NRG2: variants seen among roughly 807,000 people sequenced by gnomAD.
NRG2 encodes pro-neuregulin-2, membrane-bound isoform.
In NRG2, 27 loss-of-function variants were observed where a neutral mutation model predicts 73.9. The observed-to-expected ratio is 0.37, with a 90% CI of 0.27 to 0.50. The LOEUF is 0.50. NRG2 is among the 20% of genes least tolerant of loss of function. NRG2 has a pLI of 0.96. For synonymous variants in NRG2, 532 were observed against 541.0 expected, an observed-to-expected ratio of 0.98 and a Z score of 0.23; for missense variants, 1,126 against 1,210.1, an observed-to-expected ratio of 0.93 and a Z score of 1.03.
intron 1 of NRG2, among the ~76,000 whole-genome samples, chr5:139,976,661 C>A (rs1253429385): frequency 6.6e-6 from 1 of 152,216 alleles, no homozygotes; most frequent in Non-Finnish European, 1.5e-5. Flanking sequence ...TTAATATAAT[C>A]CTATCAGTTC....
intron 5 of NRG2, among the ~76,000 whole-genome samples, chr5:139,862,103 T>C (rs1042475064): frequency 6.6e-6 from 1 of 152,212 alleles, no homozygotes; most frequent in Admixed American, 6.5e-5. Context: ...ACTGAGTTTC[T>C]GGGCAGGCCT....
intron 1 of NRG2, among the ~76,000 whole-genome samples, chr5:139,986,279 T>C (rs866738481): frequency 6.6e-6 from 1 of 152,174 alleles, no homozygotes; most frequent in Admixed American, 6.5e-5. Flanking sequence ...CTTCAGCCTG[T>C]CTATGTGTCA....
chr5:139,943,525 CT>C (rs1753564918), intron 1 of NRG2, among the ~76,000 whole-genome samples: 1 of 152,124 alleles, frequency 6.6e-6, no homozygotes, highest in Non-Finnish European at 1.5e-5. Flanking sequence ...CTGACTGTTT[CT>C]TGTCTGTGAG....
chr5:139,886,649 T>C (rs1005696166), intron 2 of NRG2, among the ~76,000 whole-genome samples: 1 of 151,838 alleles, frequency 6.6e-6, no homozygotes, highest in Non-Finnish European at 1.5e-5. Context: ...AGCAGAGAGG[T>C]GGTGGGCTGC....
chr5:140,015,811 C>T (rs991215413), intron 1 of NRG2, among the ~76,000 whole-genome samples: 3 of 152,168 alleles, frequency 2.0e-5, no homozygotes, highest in Non-Finnish European at 2.9e-5. Flanking sequence ...GGTGGGCACA[C>T]GGTGATCTCA....
chr5:140,030,622 C>T (rs531590300), intron 1 of NRG2, among the ~76,000 whole-genome samples: 16 of 152,352 alleles, frequency 1.1e-4, no homozygotes, highest in African/African-American at 3.4e-4. Context: ...AGATAATTTA[C>T]ACAGTAAGAA....
At chr5:139,875,084 T>C (rs1393224649) in intron 3 of NRG2, among the ~76,000 whole-genome samples, 3 of 152,230 alleles carry the variant, frequency 2.0e-5, no homozygotes, top group African/African-American at 7.2e-5. Flanking sequence ...AGATCTCAGC[T>C]CACTGCAACC....
chr5:139,931,214 C>T (rs1752444364), intron 1 of NRG2, among the ~76,000 whole-genome samples: 2 of 152,168 alleles, frequency 1.3e-5, no homozygotes, highest in Admixed American at 6.5e-5. Flanking sequence ...ACTCAATGTA[C>T]TGATATTCTA....
At chr5:139,982,756 G>A (rs1327990746) in intron 1 of NRG2, among the ~76,000 whole-genome samples, 3 of 152,134 alleles carry the variant, frequency 2.0e-5, no homozygotes, top group African/African-American at 7.2e-5. Flanking sequence ...CCCGCAAGGC[G>A]CCTTGCTTTC....
chr5:139,938,596 C>T (rs1436631006), intron 1 of NRG2, among the ~76,000 whole-genome samples: 2 of 151,896 alleles, frequency 1.3e-5, no homozygotes, highest in Non-Finnish European at 2.9e-5. Context: ...AACTCCTGAG[C>T]CCAAGTGATT....
chr5:140,005,249 A>T (rs1457352899), intron 1 of NRG2, among the ~76,000 whole-genome samples: 1 of 152,192 alleles, frequency 6.6e-6, no homozygotes, highest in African/African-American at 2.4e-5. Context: ...AAAGGACCTG[A>T]TAATAGGTCT....
chr5:139,848,757 G>T lies in NRG2; in HGVS notation c.1773-60C>A, dbSNP rs1360968279. Reference sequence around the variant, plus strand: ...GGCCGGGCCGGCGCGGGGGAGGGGGGGTTGGGGGTGGGGTAGGGTGGGAGG... The same window carrying T: ...GGCCGGGCCGGCGCGGGGGAGGGGGTGTTGGGGGTGGGGTAGGGTGGGAGG... On this transcript the variant is annotated intron_variant, in intron 9 of 9. Transcript: ENST00000361474. 6 of 744,450 alleles carry T rather than the reference G, an allele frequency of 8.1e-6. No homozygotes were observed. In the South Asian group the frequency reaches 9.7e-5, roughly 12 times the overall value. 46.1% of individuals were successfully genotyped at this position (744,450 alleles called of 1,614,324 possible). A position where few individuals can be genotyped will look rare whatever the true frequency, so the allele number is the denominator to read the frequency against.
rs564520020 is a variant in NRG2 at position 139,853,076 on chromosome 5, C to T, written c.1293-49G>A. 3.1e-5 allele frequency: 50 copies of T among 1,608,496 alleles called. No individual in the cohort carries two copies. The East Asian group carries it at 3.8e-4, about 12-fold the overall frequency. On this transcript the variant is annotated intron_variant, in intron 6 of 9. Coordinates refer to ENST00000361474, the MANE Select transcript of NRG2 (RefSeq NM_004883.3). This position sits in a 1 kb window ranked among gnomAD's most constrained non-coding sequence, Gnocchi z 4.1. ...GGCTGGCATTCCCCCCACTCGCCAA[C>T]GATGAACTTCCCTAGCTATCTCTCT...
In NRG2 at chr5:139,865,765, A is replaced by T; in HGVS notation, c.1113-140T>A. 1 of 503,340 alleles carries T rather than the reference A, an allele frequency of 2.0e-6. No individual in the cohort carries two copies. Among genetic ancestry groups the T allele is most frequent in the Non-Finnish European group, 3.5e-6 (1 of 287,444 alleles). 31.2% of individuals were successfully genotyped at this position (503,340 alleles called of 1,614,324 possible). On this transcript the variant is annotated intron_variant, in intron 4 of 9. Coordinates refer to ENST00000361474, the MANE Select transcript of NRG2 (RefSeq NM_004883.3). The surrounding 1 kb of genome is among the most constrained non-coding windows in gnomAD (Gnocchi z 5.2). ...TCATACTTGTAGCTGAAGGGACTGG[A>T]GTCAGGGCTGGGTGGAGGGCTCTGA...
Position 139,904,417 on chromosome 5 carries a change from G to A in NRG2, c.701-16906C>T, listed in dbSNP as rs769074952. ...CGACATTCTGCACGGGGTCCCAGGC[G>A]GTGGGACGGCCTCAGCTCTCCGCTG... On this transcript the variant is annotated intron_variant, in intron 1 of 9. Coordinates refer to ENST00000361474, the MANE Select transcript of NRG2 (RefSeq NM_004883.3). This position sits in a 1 kb window ranked among gnomAD's most constrained non-coding sequence, Gnocchi z 6.0. 2.8e-6 allele frequency: 4 copies of A among 1,436,212 alleles called. No homozygotes were observed. Among genetic ancestry groups the A allele is most frequent in the Admixed American group, 1.7e-5 (1 of 57,692 alleles). 89.0% of individuals were successfully genotyped at this position (1,436,212 alleles called of 1,614,324 possible).
intron 2 of NRG2, among the ~76,000 whole-genome samples, chr5:139,884,374 G>C (rs956847562): frequency 6.6e-6 from 1 of 152,192 alleles, no homozygotes; most frequent in African/African-American, 2.4e-5. Flanking sequence ...CTGGGCCCAA[G>C]TCCAGAGCCA....
At chr5:140,014,636 C>T (rs1385522525) in intron 1 of NRG2, among the ~76,000 whole-genome samples, 1 of 151,948 alleles carries the variant, frequency 6.6e-6, no homozygotes, top group Non-Finnish European at 1.5e-5. Flanking sequence ...ACAATCCAGC[C>T]TCTTCTCATC....
intron 1 of NRG2, among the ~76,000 whole-genome samples, chr5:140,041,666 TAA>T (rs762926051): frequency 1.8e-4 from 17 of 91,952 alleles, no homozygotes; most frequent in African/African-American, 3.3e-4. Context: ...CAGAAACAGC[TAA>T]AAAAAAAAAA....
intron 2 of NRG2, among the ~76,000 whole-genome samples, chr5:139,881,400 G>A (rs867634774): frequency 2.6e-5 from 4 of 152,310 alleles, no homozygotes; most frequent in Middle Eastern, 3.4e-3. Context: ...CCAGATACCC[G>A]GGAGGGCAGC....
Sources: gnomAD v4.1 joint callset for allele counts (sites outside exome capture counted in the v4.1 genomes callset) on GRCh38, gnomAD v4.1.1 for gene constraint, Gnocchi (gnomAD v3.1) non-coding constraint, MANE v1.5 for transcripts, NCBI Gene and HGNC (gene_info 2026-07-23, HGNC 2026-07-21) for gene names.